GTPBP3: variants seen among roughly 807,000 people sequenced by gnomAD.
The protein encoded by GTPBP3 is 5-taurinomethyluridine-[tRNA] synthase subunit GTPB3, mitochondrial.
Under a neutral mutation model 42.0 loss-of-function variants are expected in GTPBP3, and 35 were observed. The ratio of observed to expected loss-of-function variants is 0.83; its 90% CI spans 0.64 to 1.10. The LOEUF (loss-of-function observed/expected upper bound fraction) is 1.10, where lower values mean the gene tolerates loss of function less well. Ranked by LOEUF, GTPBP3 falls within the 50% of genes least tolerant of loss-of-function variation. The pLI is 0.00. For missense variants in GTPBP3, 691 were observed against 685.2 expected (o/e 1.01, Z -0.09); for synonymous variants, 332 against 314.9 (o/e 1.05, Z -0.58).
Position 17,337,642 on chromosome 19 carries a change from CAA to C in GTPBP3, c.32_33del (p.Gln11ArgfsTer97). On this transcript the variant is annotated frameshift_variant, in exon 1 of 9. Transcript: ENST00000324894. LOFTEE classifies it high-confidence loss of function. ...GCGGGGGCTTTGGACCCTGGCGGCC[CAA>C]GCGGCACGTGGGCCTCGCAGGTGGG... MWRGLWTLAA[Q>X]AARGPRRLCT... is the part of the protein sequence containing the mutation. 1 of 1,336,248 alleles carries C rather than the reference CAA, an allele frequency of 7.5e-7. No individual in the cohort carries two copies. 82.8% of individuals were successfully genotyped at this position (1,336,248 alleles called of 1,614,324 possible).
chr19:17,338,847 G>A (rs2074396546), intron 4 of GTPBP3, 106 bp downstream of exon 4: 2 of 1,533,086 alleles, frequency 1.3e-6, no homozygotes, highest in African/African-American at 1.4e-5. Flanking sequence ...GAAAGCTTCC[G>A]GCCTATGAGC....
upstream of GTPBP3, chr19:17,335,157 G>C: frequency 1.3e-6 from 2 of 1,535,214 alleles, no homozygotes; most frequent in Non-Finnish European, 1.7e-6. Context: ...GGAGGGGCGG[G>C]CCGGTTGGGG....
chr19:17,341,653 A>T lies in GTPBP3; in HGVS notation c.1429A>T (p.Thr477Ser). The stretch of plus-strand genomic sequence containing the variant: ...GACCCGGCTCACAGGTGGAGGGGGT[A>T]CCGAGGAGATCCTGGACATCATCTT... ...HLTRLTGGGG[T>S]EEILDIIFQD... is the part of the protein sequence containing the mutation. The change falls in exon 9 of 9, where the codon ACC (threonine) becomes TCC (serine). Residue 477 changes from threonine to serine, a missense_variant. Physicochemically the swap from Thr to Ser is moderately conservative, Grantham distance 58. Transcript: ENST00000324894. 6.2e-7 allele frequency: 1 copy of T among 1,607,958 alleles called. No individual in the cohort carries two copies.
rs2074398753 is a variant in GTPBP3 at position 17,338,995 on chromosome 19, T to A, written c.633T>A (p.Asp211Glu). The change falls in exon 5 of 9, where the codon GAT becomes GAA. Residue 211 changes from aspartate to glutamate, a missense_variant. By Grantham distance (45) the Asp-to-Glu change is conservative (BLOSUM62 2). Coordinates refer to ENST00000324894, the MANE Select transcript of GTPBP3 (RefSeq NM_032620.4). ...HVEAYIDFGE[D>E]DNLEEGVLEQ... The stretch of plus-strand genomic sequence containing the variant: ...AGGCCTATATCGATTTCGGCGAGGA[T>A]GACAACCTGGAGGAGGGGGTCCTGG... 2.5e-6 allele frequency: 4 copies of A among 1,613,538 alleles called. No homozygotes were observed. The highest frequency in any genetic ancestry group is 3.4e-6 in the Non-Finnish European group (4 of 1,179,598).
At chr19:17,339,330 T>C in intron 6 of GTPBP3, 64 bp downstream of exon 6, 1 of 1,579,426 alleles carries the variant, frequency 6.3e-7, no homozygotes, top group Non-Finnish European at 8.6e-7. Flanking sequence ...GCTGGGTTAT[T>C]GAGTTAGTTG....
At chr19:17,335,224 C>A, upstream of GTPBP3, 1 of 1,476,054 alleles carries the variant, frequency 6.8e-7, no homozygotes, top group Non-Finnish European at 9.1e-7. Flanking sequence ...TACATAATTA[C>A]AGCAAGCCCT....
In GTPBP3 at chr19:17,338,170, C is replaced by A. The variant is rs1216314991; in HGVS notation, c.216C>A (p.Pro72=). 2 of 1,592,890 alleles carry A rather than the reference C, an allele frequency of 1.3e-6. No homozygotes were observed. The highest frequency in any genetic ancestry group is 1.7e-5 in the Admixed American group (1 of 59,346). Residue 72 remains proline, a synonymous_variant, in exon 2 of 9, where the codon CCC becomes CCA. Transcript: ENST00000324894. ...LRILTAPRDL[P]LARHASLRLL... ...TTCTCACAGCACCCCGAGACCTGCC[C>A]CTTGCTCGCCACGCCAGCCTGCGCC...
chr19:17,339,410 C>T (rs2145702809), intron 6 of GTPBP3, 24 bp from the exon 7 acceptor site: 1 of 1,611,486 alleles, frequency 6.2e-7, no homozygotes. Flanking sequence ...TCCACCCTCT[C>T]CTCTTCTTCT....
intron 1 of GTPBP3, 57 bp from the exon 2 acceptor site, chr19:17,337,951 C>G: frequency 1.3e-6 from 2 of 1,583,750 alleles, no homozygotes; most frequent in Non-Finnish European, 1.7e-6. Flanking sequence ...CCTCGGTCTA[C>G]TTGACACTGA....
upstream of GTPBP3, chr19:17,337,458 T>C (rs1057144926): frequency 2.4e-6 from 3 of 1,242,918 alleles, no homozygotes; most frequent in Non-Finnish European, 3.0e-6. Flanking sequence ...AGCGAGTATC[T>C]TCAGACGGTG....
At chr19:17,337,761 C>A in intron 1 of GTPBP3, 97 bp downstream of exon 1, 1 of 1,357,878 alleles carries the variant, frequency 7.4e-7, no homozygotes, top group Non-Finnish European at 9.7e-7. Flanking sequence ...TGCGGCAGAG[C>A]AATCATTCGC....
At chr19:17,340,934 A>T in intron 7 of GTPBP3, 110 bp from the exon 8 acceptor site, 1 of 1,255,482 alleles carries the variant, frequency 8.0e-7, no homozygotes, top group Non-Finnish European at 1.1e-6. Flanking sequence ...TCCCGACCTC[A>T]CGCTTCGCAG....
At position 17,339,414 on chromosome 19, in the gene GTPBP3, T is replaced by G. The variant is rs1357941721; in HGVS notation, c.809-20T>G. Reference sequence around the variant, plus strand: ...GCTCCCTTGTCTCCACCCTCTCCTCTTCTTCTGACCCTCCCCCAGGTCGGA... The same window carrying G: ...GCTCCCTTGTCTCCACCCTCTCCTCGTCTTCTGACCCTCCCCCAGGTCGGA... On this transcript the variant is annotated intron_variant, in intron 6 of 8. Coordinates refer to ENST00000324894, the MANE Select transcript of GTPBP3 (RefSeq NM_032620.4). The G allele has an allele frequency of 1.9e-6, 3 of 1,611,926 alleles. No individual in the cohort carries two copies. Among genetic ancestry groups the G allele is most frequent in the South Asian group, 2.2e-5 (2 of 90,948 alleles).
In GTPBP3 at chr19:17,339,171, G is replaced by A; in HGVS notation, c.713G>A (p.Arg238Gln). 1 of 1,613,848 alleles carries A rather than the reference G, an allele frequency of 6.2e-7. No homozygotes were observed. The highest frequency in any genetic ancestry group is 8.5e-7 in the Non-Finnish European group (1 of 1,180,024). Residue 238 changes from arginine (R) to glutamine (Q), a missense_variant, in exon 6 of 9, where the codon CGA becomes CAA. Arg to Gln is a conservative substitution (Grantham distance 43). Coordinates refer to ENST00000324894, the MANE Select transcript of GTPBP3 (RefSeq NM_032620.4). ...CAGGTGGCCCTGGGTGCACATCTAC[G>A]AGATGCCAGGCGCGGGCAGAGGCTC... The part of the protein sequence containing the change: ...ALQVALGAHL[R>Q]DARRGQRLRS...
In GTPBP3 at chr19:17,338,241, T is replaced by C; in HGVS notation, c.287T>C (p.Val96Ala). 6.9e-6 allele frequency: 11 copies of C among 1,588,084 alleles called. No individual in the cohort carries two copies. Among genetic ancestry groups the C allele is most frequent in the Non-Finnish European group, 9.4e-6 (11 of 1,171,816 alleles). ...RSGEPLDRAL[V>A]LWFPGPQSFT... is the part of the protein sequence containing the mutation. ...GGGGAGCCTCTGGACCGCGCACTGG[T>C]GCTCTGGTTCCCAGGTGAGGGTCCC... is the stretch of plus-strand genomic sequence containing the variant. The change falls in exon 2 of 9, where the codon GTG becomes GCG. Residue 96 changes from valine to alanine, a missense_variant. Physicochemically the swap from Val to Ala is moderately conservative, Grantham distance 64 (BLOSUM62 0). Coordinates refer to ENST00000324894, the MANE Select transcript of GTPBP3 (RefSeq NM_032620.4).
Position 17,341,641 on chromosome 19 carries a change from G to T in GTPBP3, c.1417G>T (p.Gly473Cys). Reference protein sequence around the residue: ...VARGHLTRLTGGGGTEEILDI... With the variant: ...VARGHLTRLTCGGGTEEILDI... ...CCGGGGTCACCTGACCCGGCTCACA[G>T]GTGGAGGGGGTACCGAGGAGATCCT... The change falls in exon 9 of 9, where the codon GGT (glycine) becomes TGT (cysteine). Residue 473 changes from glycine to cysteine, a missense_variant. Physicochemically the swap from Gly to Cys is radical, Grantham distance 159. Coordinates refer to ENST00000324894, the MANE Select transcript of GTPBP3 (RefSeq NM_032620.4). The T allele has an allele frequency of 5.0e-6, 8 of 1,612,738 alleles. No individual in the cohort carries two copies. Among genetic ancestry groups the T allele is most frequent in the Non-Finnish European group, 6.8e-6 (8 of 1,179,164 alleles).
At position 17,341,190 on chromosome 19, in the gene GTPBP3, A is replaced by G; in HGVS notation, c.1121A>G (p.Asn374Ser). 4 of 1,611,698 alleles carry G rather than the reference A, an allele frequency of 2.5e-6. No homozygotes were observed. The highest frequency in any genetic ancestry group is 3.4e-6 in the Non-Finnish European group (4 of 1,179,924). ...AGCCAGCGCCTCCTCCTGGTGCTGA[A>G]CAAGTCGGACCTGCTGTCCCCGGAG... ...DSSQRLLLVL[N>S]KSDLLSPEGP... The change falls in exon 8 of 9, where the codon AAC becomes AGC. Residue 374 changes from asparagine (N) to serine (S), a missense_variant. Transcript: ENST00000324894.
Position 17,341,655 on chromosome 19 carries a change from C to G in GTPBP3, c.1431C>G (p.Thr477=), listed in dbSNP as rs763380482. 1.2e-6 allele frequency: 2 copies of G among 1,606,696 alleles called. No homozygotes were observed. Among genetic ancestry groups the G allele is most frequent in the Non-Finnish European group, 1.7e-6 (2 of 1,174,780 alleles). ...CCCGGCTCACAGGTGGAGGGGGTAC[C>G]GAGGAGATCCTGGACATCATCTTCC... ...HLTRLTGGGG[T]EEILDIIFQD... The change falls in exon 9 of 9, where the codon ACC becomes ACG. Residue 477 remains threonine (T), a synonymous_variant. Coordinates refer to ENST00000324894, the MANE Select transcript of GTPBP3 (RefSeq NM_032620.4).
Position 17,342,251 on chromosome 19 carries a change from G to A in GTPBP3, c.*548G>A, listed in dbSNP as rs1396800555. ...CCTGAGTAGCTGGGATTACAGGCAT[G>A]TGCCAGCATGCCCGGCTAATTTTTT... On this transcript the variant is annotated 3_prime_UTR_variant, in exon 9 of 9. Coordinates refer to ENST00000324894, the MANE Select transcript of GTPBP3 (RefSeq NM_032620.4). 1 of 151,106 alleles carries A rather than the reference G, an allele frequency of 6.6e-6. No homozygotes were observed. The highest frequency in any genetic ancestry group is 1.5e-5 in the Non-Finnish European group (1 of 67,834). 9.4% of individuals were successfully genotyped at this position (151,106 alleles called of 1,614,324 possible).
Sources: allele counts gnomAD v4.1 joint callset, GRCh38; gene constraint gnomAD v4.1.1; transcripts MANE v1.5; gene names NCBI Gene and HGNC (gene_info 2026-07-23, HGNC 2026-07-21).